The following EYS variants were observed in gnomAD, a reference collection of about 807,000 sequenced individuals.
EYS encodes protein eyes shut homolog.
EYS carries 250 observed loss-of-function variants against 282.1 expected under a neutral mutation model. That is an observed-to-expected ratio of 0.89 (90% confidence interval 0.80 to 0.98). The LOEUF (loss-of-function observed/expected upper bound fraction) is 0.98, where lower values mean the gene tolerates loss of function less well. Among genes scored for constraint, EYS ranks in the 50% least tolerant of loss-of-function variants. The pLI, the probability that EYS is intolerant of heterozygous loss-of-function variation, is 0.00. For synonymous variants in EYS, 1,355 were observed against 1,282.9 expected (o/e 1.06, Z -1.20); for missense variants, 4,016 against 3,709.0 (o/e 1.08, Z -2.15).
chr6:64,803,865 G>C (rs1416260062), intron 22 of EYS, among the ~76,000 whole-genome samples: 1 of 152,214 alleles, frequency 6.6e-6, no homozygotes, highest in Admixed American at 6.5e-5. Flanking sequence ...CAGGCAGCAA[G>C]AGCAGGCACT....
intron 28 of EYS, among the ~76,000 whole-genome samples, chr6:64,411,925 G>GTATATATGTTTATATATGCATGTATA (rs1561980315): frequency 8.5e-6 from 1 of 117,318 alleles, no homozygotes; most frequent in Non-Finnish European, 1.9e-5. Flanking sequence ...ATGCATGCAT[G>GTATATATGTTTATATATGCATGTATA]TATGTATATA....
rs34562408 is a variant in EYS, at chr6:64,297,977, C to CAA, written c.6191+8991_6191+8992dup. Reference sequence around the variant, plus strand: ...TTGGCAACAGAGCAAGATTCTGTCTCAAAAAAAAAAAAAAAAAAAAAATTA... The same window carrying CAA: ...TTGGCAACAGAGCAAGATTCTGTCTCAAAAAAAAAAAAAAAAAAAAAAAATTA... On this transcript the variant is annotated intron_variant, in intron 30 of 42. Transcript: ENST00000503581. Among the ~76,000 whole-genome samples, 857 of 96,346 alleles carry CAA rather than the reference C, an allele frequency of 8.9e-3. 19 individuals carry two copies. The highest frequency in any genetic ancestry group is 0.048 in the East Asian group (161 of 3,356). 63.2% of individuals were successfully genotyped at this position (96,346 alleles called of 152,430 possible).
At chr6:64,574,913 G>T (rs1765832656) in intron 26 of EYS, among the ~76,000 whole-genome samples, 1 of 152,052 alleles carries the variant, frequency 6.6e-6, no homozygotes, top group South Asian at 2.1e-4. Context: ...ATTGATTTCA[G>T]CTGTCAAAAT....
chr6:63,996,970 C>A (rs952351724), intron 34 of EYS, among the ~76,000 whole-genome samples: 2 of 152,264 alleles, frequency 1.3e-5, no homozygotes, highest in African/African-American at 4.8e-5. Context: ...TGGTGTCAAT[C>A]TGGCTTTGTT....
At chr6:65,507,952 T>C (rs1766719212) in intron 2 of EYS, among the ~76,000 whole-genome samples, 1 of 152,180 alleles carries the variant, frequency 6.6e-6, no homozygotes, top group Non-Finnish European at 1.5e-5. Context: ...GATTACTTTG[T>C]CTCTTCAGAT....
At chr6:63,829,691 G>A (rs572150120) in intron 36 of EYS, among the ~76,000 whole-genome samples, 8 of 152,340 alleles carry the variant, frequency 5.3e-5, no homozygotes, top group African/African-American at 1.9e-4. Context: ...AAACGTCCCT[G>A]TCTGACAGCT....
intron 12 of EYS, among the ~76,000 whole-genome samples, chr6:65,078,811 A>C (rs960089592): frequency 1.3e-5 from 2 of 151,766 alleles, no homozygotes; most frequent in Non-Finnish European, 2.9e-5. Context: ...AGGCGTTTTG[A>C]TCATGCAGGC....
chr6:63,720,556 G>A lies in EYS; in HGVS notation c.*40C>T. 7.3e-7 allele frequency: 1 copy of A among 1,363,564 alleles called. No homozygotes were observed. The highest frequency in any genetic ancestry group is 9.8e-7 in the Non-Finnish European group (1 of 1,025,250). 84.5% of individuals were successfully genotyped at this position (1,363,564 alleles called of 1,614,324 possible). A position where few individuals can be genotyped will look rare whatever the true frequency, so the allele number is the denominator to read the frequency against. On this transcript the variant is annotated 3_prime_UTR_variant, in exon 43 of 43. Transcript: ENST00000503581. Reference sequence around the variant, plus strand: ...CAAAGAAATAACTATCAAAATAACTGCATTTATGTATAGTGTGTACTAAAA... The same window carrying A: ...CAAAGAAATAACTATCAAAATAACTACATTTATGTATAGTGTGTACTAAAA...
In EYS at chr6:64,344,857, C is replaced by T. The variant is rs533539571; in HGVS notation, c.6079-37775G>A. On this transcript the variant is annotated intron_variant, in intron 29 of 42. Coordinates refer to ENST00000503581, the MANE Select transcript of EYS (RefSeq NM_001142800.2). The stretch of plus-strand genomic sequence containing the variant: ...ATAAGCAACTTCAGCAAAATCTCAG[C>T]ATACAAAATCAATGTGCAAAAATCA... 2.6e-5 allele frequency among the ~76,000 whole-genome samples: 4 copies of T among 151,946 alleles called. No individual in the cohort carries two copies. The South Asian group carries it at 8.3e-4, about 31-fold the overall frequency.
At chr6:64,735,767 C>T (rs1039281074) in intron 22 of EYS, among the ~76,000 whole-genome samples, 7 of 151,884 alleles carry the variant, frequency 4.6e-5, no homozygotes, top group African/African-American at 1.7e-4. Context: ...TGTAGTTTGG[C>T]TATTGATGAA....
intron 5 of EYS, among the ~76,000 whole-genome samples, chr6:65,424,778 A>G (rs1280464310): frequency 6.6e-6 from 1 of 152,044 alleles, no homozygotes; most frequent in African/African-American, 2.4e-5. Context: ...CTGTCTGAAG[A>G]TGGAAGAAAT....
chr6:64,051,321 A>T (rs1235467320), intron 33 of EYS, among the ~76,000 whole-genome samples: 1 of 152,202 alleles, frequency 6.6e-6, no homozygotes, highest in African/African-American at 2.4e-5. Context: ...TTAAGTAGAA[A>T]CAGGAAGATA....
intron 13 of EYS, among the ~76,000 whole-genome samples, chr6:65,001,242 C>A (rs1011267116): frequency 2.0e-5 from 3 of 147,532 alleles, no homozygotes; most frequent in African/African-American, 7.3e-5. Context: ...CCGGAAGATT[C>A]GGGTCACACA....
At chr6:64,204,422 C>T (rs1416045187) in intron 31 of EYS, among the ~76,000 whole-genome samples, 1 of 152,068 alleles carries the variant, frequency 6.6e-6, no homozygotes, top group Non-Finnish European at 1.5e-5. Flanking sequence ...AATGTCATAG[C>T]ATCTTTTTTT....
chr6:64,945,252 A>G (rs576671516), intron 15 of EYS, among the ~76,000 whole-genome samples: 204 of 152,196 alleles, frequency 1.3e-3, no homozygotes, highest in African/African-American at 4.8e-3. Flanking sequence ...AAAGGTGGGC[A>G]TAATACATAA....
At chr6:64,827,882 T>A (rs544407973) in intron 19 of EYS, among the ~76,000 whole-genome samples, 1 of 151,812 alleles carries the variant, frequency 6.6e-6, no homozygotes, top group East Asian at 1.9e-4. Context: ...AATCAAAAAT[T>A]ATGAAATGTA....
chr6:63,937,432 G>T (rs1765101985), intron 35 of EYS, among the ~76,000 whole-genome samples: 1 of 121,768 alleles, frequency 8.2e-6, no homozygotes, highest in Non-Finnish European at 1.6e-5. Context: ...CCAGGCTGGA[G>T]TGCAGTGGCT....
intron 28 of EYS, among the ~76,000 whole-genome samples, chr6:64,405,772 G>A (rs1773687444): frequency 1.3e-5 from 2 of 152,154 alleles, no homozygotes; most frequent in Admixed American, 6.5e-5. Flanking sequence ...AACTTACAAG[G>A]ATGGGAAGGA....
At position 63,852,286 on chromosome 6, in the gene EYS, G is replaced by T. The variant is rs568644071; in HGVS notation, c.7228+11900C>A. On this transcript the variant is annotated intron_variant, in intron 36 of 42. Coordinates refer to ENST00000503581, the MANE Select transcript of EYS (RefSeq NM_001142800.2). ...GAATCAAATATACACAATAAAAAAT[G>T]AGAAAGGGGAGATCACCACTGATCC... is the stretch of plus-strand genomic sequence containing the variant. Among the ~76,000 whole-genome samples the T allele has an allele frequency of 2.7e-5, 4 of 150,762 alleles. No individual in the cohort carries two copies. In the South Asian group the frequency reaches 8.4e-4, roughly 32 times the overall value.
Sources: gnomAD v4.1 joint callset for allele counts (sites outside exome capture counted in the v4.1 genomes callset) on GRCh38, gnomAD v4.1.1 for gene constraint, MANE v1.5 for transcripts, NCBI Gene and HGNC (gene_info 2026-07-23, HGNC 2026-07-21) for gene names.